The following SCRG1 variants were observed in gnomAD, a reference collection of about 807,000 sequenced individuals.
SCRG1 encodes the protein scrapie-responsive protein 1.
In SCRG1, 3 loss-of-function variants were observed where a neutral mutation model predicts 7.7. The ratio of observed to expected loss-of-function variants is 0.39; its 90% confidence interval spans 0.18 to 1.01. The LOEUF (loss-of-function observed/expected upper bound fraction) is 1.01. SCRG1 is among the 50% of genes least tolerant of loss of function. SCRG1 has a pLI of 0.36. For missense variants in SCRG1, 110 were observed against 117.2 expected (o/e 0.94, Z 0.28); for synonymous variants, 46 against 41.2 (o/e 1.12, Z -0.44).
At chr4:173,426,908 G>A in the SCRG1 span, among the ~76,000 whole-genome samples, 12 of 152,286 alleles carry the variant, frequency 7.9e-5, no homozygotes, top group African/African-American at 2.6e-4. Context: ...TGGCTAATAA[G>A]ATACCAAGAA....
At chr4:173,439,725 G>A in the SCRG1 span, among the ~76,000 whole-genome samples, 1 of 152,046 alleles carries the variant, frequency 6.6e-6, no homozygotes, top group Non-Finnish European at 1.5e-5. Flanking sequence ...TACCACGATA[G>A]GTAAAGGTGG....
chr4:173,497,429 AG>A, the SCRG1 span, among the ~76,000 whole-genome samples: 2 of 152,100 alleles, frequency 1.3e-5, no homozygotes, highest in Non-Finnish European at 2.9e-5. Context: ...GACTACTTCC[AG>A]GTAGGGAAAC....
the SCRG1 span, among the ~76,000 whole-genome samples, chr4:173,445,974 CT>C: frequency 6.6e-6 from 1 of 152,050 alleles, no homozygotes; most frequent in Non-Finnish European, 1.5e-5. Context: ...TTTAAGGAGA[CT>C]TTTAAGGAGA....
chr4:173,455,727 C>T, the SCRG1 span, among the ~76,000 whole-genome samples: 3 of 151,988 alleles, frequency 2.0e-5, no homozygotes, highest in South Asian at 4.2e-4. Flanking sequence ...GGAAAATGAC[C>T]GCGCCCAAAG....
the SCRG1 span, among the ~76,000 whole-genome samples, chr4:173,515,432 A>C: frequency 6.6e-6 from 1 of 151,976 alleles, no homozygotes; most frequent in Non-Finnish European, 1.5e-5. The surrounding 1 kb of genome is among the most constrained non-coding windows in gnomAD (Gnocchi z 4.6). Flanking sequence ...TAAAAAAAAA[A>C]AACTTTAAGT....
the SCRG1 span, among the ~76,000 whole-genome samples, chr4:173,413,950 A>G: frequency 2.6e-5 from 4 of 152,244 alleles, no homozygotes; most frequent in African/African-American, 4.8e-5. Flanking sequence ...CAACCTGATT[A>G]TGAATTTGGT....
chr4:173,511,267 C>T, the SCRG1 span, among the ~76,000 whole-genome samples: 139 of 152,154 alleles, frequency 9.1e-4, no homozygotes, highest in African/African-American at 3.3e-3. This position sits in a 1 kb window ranked among gnomAD's most constrained non-coding sequence, Gnocchi z 5.2. Context: ...CGTGAGCCAC[C>T]GCGCGCCGGG....
the SCRG1 span, among the ~76,000 whole-genome samples, chr4:173,460,115 G>A: frequency 6.6e-6 from 1 of 152,144 alleles, no homozygotes; most frequent in South Asian, 2.1e-4. Context: ...AAATACCTTC[G>A]TAAGAACCAA....
At chr4:173,435,118 ATGTGTGTGTGTGTGTG>A in the SCRG1 span, among the ~76,000 whole-genome samples, 113 of 151,412 alleles carry the variant, frequency 7.5e-4, no homozygotes, top group East Asian at 2.5e-3. Context: ...ATATATATCT[ATGTGTGTGTGTGTGTG>A]TGTGTGTGTG....
At chr4:173,440,004 T>C in the SCRG1 span, among the ~76,000 whole-genome samples, 1 of 152,244 alleles carries the variant, frequency 6.6e-6, no homozygotes, top group Non-Finnish European at 1.5e-5. Flanking sequence ...GAAGTCTTTC[T>C]GACATGTCAG....
chr4:173,490,453 A>C, the SCRG1 span, among the ~76,000 whole-genome samples: 113 of 152,310 alleles, frequency 7.4e-4, no homozygotes, highest in Non-Finnish European at 1.4e-3. Flanking sequence ...ACCAGAAGGC[A>C]GCTCAGCACT....
At chr4:173,456,176 G>A in the SCRG1 span, among the ~76,000 whole-genome samples, 1 of 152,168 alleles carries the variant, frequency 6.6e-6, no homozygotes, top group Non-Finnish European at 1.5e-5. Context: ...ATGGAATTAA[G>A]TGACTTTAAT....
the SCRG1 span, among the ~76,000 whole-genome samples, chr4:173,498,352 C>A: frequency 6.6e-6 from 1 of 152,278 alleles, no homozygotes; most frequent in South Asian, 2.1e-4. Context: ...AATGAGAAAG[C>A]CAGGTAAGGA....
chr4:173,508,946 T>G, the SCRG1 span, among the ~76,000 whole-genome samples: 1 of 152,154 alleles, frequency 6.6e-6, no homozygotes, highest in African/African-American at 2.4e-5. The surrounding 1 kb of genome is among the most constrained non-coding windows in gnomAD (Gnocchi z 4.4). Context: ...CAGGGCCGGG[T>G]GCCGAGGCGA....
the SCRG1 span, among the ~76,000 whole-genome samples, chr4:173,483,048 T>A: frequency 9.0e-6 from 1 of 111,190 alleles, no homozygotes; most frequent in Admixed American, 1.1e-4. Flanking sequence ...ATGTATATTT[T>A]ATATATAATA....
chr4:173,482,243 G>T, the SCRG1 span, among the ~76,000 whole-genome samples: 1 of 152,010 alleles, frequency 6.6e-6, no homozygotes, highest in Non-Finnish European at 1.5e-5. Flanking sequence ...TTGACTTTGG[G>T]CAAATCTTTA....
chr4:173,462,958 C>T, the SCRG1 span, among the ~76,000 whole-genome samples: 1 of 151,972 alleles, frequency 6.6e-6, no homozygotes, highest in Non-Finnish European at 1.5e-5. Context: ...ACAACGGACA[C>T]ACAAAAATTA....
the SCRG1 span, among the ~76,000 whole-genome samples, chr4:173,476,363 A>AAAAAAAAAAAATATATATATATAT: frequency 9.1e-5 from 9 of 98,482 alleles, no homozygotes; most frequent in East Asian, 3.6e-4. Flanking sequence ...GGAAAAAAAA[A>AAAAAAAAAAAATATATATATATAT]ATATATATAT....
chr4:173,454,774 A>G, the SCRG1 span, among the ~76,000 whole-genome samples: 11 of 152,168 alleles, frequency 7.2e-5, no homozygotes, highest in Non-Finnish European at 1.6e-4. Flanking sequence ...GGGCAGACTG[A>G]TAGACGTGAC....
Sources: gnomAD v4.1 joint callset for allele counts (sites outside exome capture counted in the v4.1 genomes callset) on GRCh38, gnomAD v4.1.1 for gene constraint, Gnocchi (gnomAD v3.1) non-coding constraint, MANE v1.5 for transcripts, NCBI Gene and HGNC (gene_info 2026-07-23, HGNC 2026-07-21) for gene names.